The following RSRC1 variants were observed in gnomAD, a reference collection of about 807,000 sequenced individuals.
RSRC1 encodes serine/Arginine-related protein 53.
A neutral mutation model predicts 49.1 loss-of-function variants in RSRC1; 39 were observed. The ratio of observed to expected loss-of-function variants is 0.79; its 90% CI spans 0.61 to 1.04. The LOEUF (loss-of-function observed/expected upper bound fraction) is 1.04. Among genes scored for constraint, RSRC1 ranks in the 50% least tolerant of loss-of-function variants. The probability of loss-of-function intolerance (pLI) is 0.00; values close to 1 mark genes in which losing one functional copy is unlikely to be tolerated. For synonymous variants in RSRC1, 143 were observed against 130.8 expected (o/e 1.09, Z -0.63); for missense variants, 388 against 402.4 (o/e 0.96, Z 0.31).
intron 7 of RSRC1, among the ~76,000 whole-genome samples, chr3:158,497,489 T>C (rs1007502726): frequency 5.4e-5 from 8 of 147,916 alleles, no homozygotes; most frequent in African/African-American, 2.0e-4. Flanking sequence ...CAGGTTGGAG[T>C]GCAGTGGCTC....
chr3:158,490,350 C>T (rs534280777), intron 7 of RSRC1, among the ~76,000 whole-genome samples: 8 of 152,222 alleles, frequency 5.3e-5, no homozygotes, highest in African/African-American at 9.6e-5. Flanking sequence ...TTCCAAAGTG[C>T]TGGGATTACA....
chr3:158,118,462 T>TGTGTGTGTGCGCGCGC lies in RSRC1; in HGVS notation c.-2-3640_-2-3639insTGTGTGTGCGCGCGCG, dbSNP rs1491469875. Among the ~76,000 whole-genome samples the TGTGTGTGTGCGCGCGC allele has an allele frequency of 1.9e-3, 241 of 124,696 alleles. 4 individuals are homozygous for TGTGTGTGTGCGCGCGC. The highest frequency in any genetic ancestry group is 2.6e-3 in the Admixed American group (33 of 12,644). 81.8% of individuals were successfully genotyped at this position (124,696 alleles called of 152,430 possible). A position where few individuals can be genotyped will look rare whatever the true frequency, so the allele number is the denominator to read the frequency against. On this transcript the variant is annotated intron_variant, in intron 1 of 9. Coordinates refer to ENST00000611884, the MANE Select transcript of RSRC1 (RefSeq NM_001271838.2). ...GTGTGTGTGTGTGTGTGTGTGTGTG[T>TGTGTGTGTGCGCGCGC]GCGCGTGCGCGTGGTTTTTTTAAAT...
At chr3:158,508,378 G>T (rs894690095) in intron 7 of RSRC1, among the ~76,000 whole-genome samples, 3 of 151,098 alleles carry the variant, frequency 2.0e-5, no homozygotes, top group Admixed American at 6.6e-5. Flanking sequence ...TGTCACATTT[G>T]TGTCTCTACC....
intron 3 of RSRC1, among the ~76,000 whole-genome samples, chr3:158,150,008 T>A (rs570655093): frequency 6.6e-6 from 1 of 152,240 alleles, no homozygotes; most frequent in African/African-American, 2.4e-5. Flanking sequence ...TACATCTCTG[T>A]TAACATTTTA....
chr3:158,125,692 T>C (rs1022209398), intron 3 of RSRC1, among the ~76,000 whole-genome samples: 1 of 152,204 alleles, frequency 6.6e-6, no homozygotes, highest in Non-Finnish European at 1.5e-5. Context: ...ATGCATATTT[T>C]GCTGCTGTTG....
intron 5 of RSRC1, among the ~76,000 whole-genome samples, chr3:158,328,469 A>G (rs180714001): frequency 1.5e-4 from 23 of 152,086 alleles, no homozygotes; most frequent in African/African-American, 5.5e-4. Flanking sequence ...TCTGTAGAGG[A>G]TTGTATTTCT....
chr3:158,216,173 A>G (rs766963037), intron 4 of RSRC1, among the ~76,000 whole-genome samples: 2 of 151,574 alleles, frequency 1.3e-5, no homozygotes, highest in African/African-American at 2.4e-5. Context: ...GTTCCATAAT[A>G]TAAAGGCATA....
At chr3:158,398,396 G>T (rs914496087) in intron 6 of RSRC1, among the ~76,000 whole-genome samples, 1 of 152,052 alleles carries the variant, frequency 6.6e-6, no homozygotes, top group Non-Finnish European at 1.5e-5. Flanking sequence ...CCAGGTGTCT[G>T]CTTCCAAGAT....
At chr3:158,127,755 GGTT>G (rs775889080) in intron 3 of RSRC1, among the ~76,000 whole-genome samples, 2 of 73,306 alleles carry the variant, frequency 2.7e-5, no homozygotes, top group African/African-American at 1.1e-4. Context: ...ACTGCTTTGT[GGTT>G]TTTTTTTTTT....
intron 3 of RSRC1, among the ~76,000 whole-genome samples, chr3:158,193,663 A>T (rs1023258490): frequency 6.6e-6 from 1 of 152,146 alleles, no homozygotes; most frequent in Non-Finnish European, 1.5e-5. Flanking sequence ...AAACTTTAGA[A>T]TTTAACTGAT....
intron 7 of RSRC1, among the ~76,000 whole-genome samples, chr3:158,531,837 C>T (rs1370448173): frequency 2.0e-5 from 3 of 151,802 alleles, no homozygotes; most frequent in Non-Finnish European, 4.4e-5. Flanking sequence ...AACCTGTGTT[C>T]ATGAGAAATT....
At chr3:158,283,454 C>G (rs529049990) in intron 4 of RSRC1, among the ~76,000 whole-genome samples, 6 of 152,060 alleles carry the variant, frequency 3.9e-5, no homozygotes, top group African/African-American at 1.4e-4. Flanking sequence ...ACATGTACCA[C>G]ACTGTACACA....
chr3:158,234,218 CAAG>C (rs1723116198), intron 4 of RSRC1, among the ~76,000 whole-genome samples: 1 of 152,162 alleles, frequency 6.6e-6, no homozygotes, highest in South Asian at 2.1e-4. Flanking sequence ...CAGCTATTCA[CAAG>C]AAGACCTGTG....
At chr3:158,333,822 C>T (rs1178105798) in intron 5 of RSRC1, among the ~76,000 whole-genome samples, 1 of 152,114 alleles carries the variant, frequency 6.6e-6, no homozygotes, top group African/African-American at 2.4e-5. Flanking sequence ...ATTGGTGCTG[C>T]AGGAGAACAC....
chr3:158,489,585 T>A (rs1738980785), intron 7 of RSRC1, among the ~76,000 whole-genome samples: 2 of 152,088 alleles, frequency 1.3e-5, no homozygotes, highest in Admixed American at 6.5e-5. Context: ...GTTTATTTTA[T>A]GTAAAACAAA....
At chr3:158,360,455 C>T (rs1190874613) in intron 6 of RSRC1, among the ~76,000 whole-genome samples, 1 of 152,210 alleles carries the variant, frequency 6.6e-6, no homozygotes, top group Admixed American at 6.5e-5. Flanking sequence ...CTGTCCCCCT[C>T]TGCCCAGGAG....
At chr3:158,474,006 A>G (rs753911516) in intron 7 of RSRC1, among the ~76,000 whole-genome samples, 1 of 152,166 alleles carries the variant, frequency 6.6e-6, no homozygotes, top group East Asian at 1.9e-4. Flanking sequence ...GATATGTTGT[A>G]TGTGTAGGTG....
In RSRC1 at chr3:158,500,347, C is replaced by G. The variant is rs141633451; in HGVS notation, c.653-36745C>G. On this transcript the variant is annotated intron_variant, in intron 7 of 9. Transcript: ENST00000611884. ...TGTTCTTTTTTTGGTTATGTCCTTT[C>G]CTGGTTTTGGTATTAGGGTGATGCT... 2.6e-4 allele frequency among the ~76,000 whole-genome samples: 39 copies of G among 152,066 alleles called. No individual in the cohort carries two copies. The East Asian group carries it at 4.3e-3, about 17-fold the overall frequency.
rs371669802 is a variant in RSRC1, at chr3:158,332,971, G to GTT, written c.532-21872_532-21871dup. Among the ~76,000 whole-genome samples, 212 of 136,102 alleles carry GTT rather than the reference G, an allele frequency of 1.6e-3. 2 individuals carry two copies. The highest frequency in any genetic ancestry group is 4.1e-3 in the East Asian group (19 of 4,666). The allele number at this position is 136,102 out of a possible 152,430, so 89.3% of individuals were successfully genotyped here. A position where few individuals can be genotyped will look rare whatever the true frequency, so the allele number is the denominator to read the frequency against. ...TCTTAGGGATGCTTTTCTGTTTTTT[G>GTT]TTTTTTTTTTTTTTTGAGACAGAGT... is the stretch of plus-strand genomic sequence containing the variant. On this transcript the variant is annotated intron_variant, in intron 5 of 9. Transcript: ENST00000611884.
Sources: allele counts gnomAD v4.1 joint callset (sites outside exome capture counted in the v4.1 genomes callset), GRCh38; gene constraint gnomAD v4.1.1; transcripts MANE v1.5; gene names NCBI Gene and HGNC (gene_info 2026-07-23, HGNC 2026-07-21).